KNL1: variants seen among roughly 807,000 people sequenced by gnomAD.
KNL1 encodes the protein kinetochore scaffold 1.
Under a neutral mutation model 201.3 loss-of-function variants are expected in KNL1, and 66 were observed. That is an observed-to-expected ratio of 0.33 (90% confidence interval 0.27 to 0.40). The LOEUF (loss-of-function observed/expected upper bound fraction) is 0.40, where lower values mean the gene tolerates loss of function less well. Among genes scored for constraint, KNL1 ranks in the 10% least tolerant of loss-of-function variants. The pLI is 1.00. For synonymous variants in KNL1, 895 were observed against 899.2 expected, an observed-to-expected ratio of 1.00 and a Z score of 0.08; for missense variants, 2,815 against 2,690.5, an observed-to-expected ratio of 1.05 and a Z score of -1.02.
chr15:40,639,527 A>T (rs970055468), intron 13 of KNL1, among the ~76,000 whole-genome samples: 1 of 150,098 alleles, frequency 6.7e-6, no homozygotes, highest in African/African-American at 2.5e-5. Context: ...GGAGGTTGCA[A>T]TGAGCTGAGA....
In KNL1 at chr15:40,605,165, T is replaced by A. The variant is rs781216056; in HGVS notation, c.75+16T>A. 1 of 1,373,514 alleles carries A rather than the reference T, an allele frequency of 7.3e-7. No individual in the cohort carries two copies. The allele number at this position is 1,373,514 out of a possible 1,614,324, so 85.1% of individuals were successfully genotyped here. On this transcript the variant is annotated intron_variant, in intron 3 of 25. Transcript: ENST00000399668. ...GCATTCTTCAGTAAGAAAGACTTTCTTGAATTAATAATTGTCAGCTTTTAT... is the reference window on the plus strand; with the variant it reads ...GCATTCTTCAGTAAGAAAGACTTTCATGAATTAATAATTGTCAGCTTTTAT...
intron 13 of KNL1, among the ~76,000 whole-genome samples, chr15:40,640,098 C>CTTT (rs544723388): frequency 2.2e-4 from 28 of 124,496 alleles, no homozygotes; most frequent in African/African-American, 5.7e-4. Context: ...TTTTTCTTTT[C>CTTT]TTTTTTTTTT....
intron 7 of KNL1, among the ~76,000 whole-genome samples, chr15:40,614,568 A>G (rs986014566): frequency 3.9e-5 from 6 of 152,166 alleles, no homozygotes; most frequent in Admixed American, 3.9e-4. Context: ...CTCCTTACAG[A>G]TAACCACTGT....
intron 4 of KNL1, among the ~76,000 whole-genome samples, chr15:40,608,592 A>G (rs1311030811): frequency 2.0e-5 from 3 of 152,042 alleles, no homozygotes; most frequent in Non-Finnish European, 4.4e-5. Flanking sequence ...CTAAAAATAC[A>G]GAATTAGTTG....
At chr15:40,650,124 A>AG (rs1893509027) in intron 17 of KNL1, 177 bp from the exon 18 acceptor site, 87 of 490,626 alleles carry the variant, frequency 1.8e-4, no homozygotes, top group Middle Eastern at 5.5e-4. Context: ...TCTCTTTCAC[A>AG]GAAAAAAAAA....
intron 9 of KNL1, among the ~76,000 whole-genome samples, chr15:40,619,917 G>A (rs1026036682): frequency 2.6e-5 from 4 of 152,092 alleles, no homozygotes; most frequent in Admixed American, 1.3e-4. Context: ...TAAATTACTC[G>A]CAGACTTTAG....
chr15:40,647,880 T>G (rs1215646562), intron 17 of KNL1, among the ~76,000 whole-genome samples: 1 of 152,222 alleles, frequency 6.6e-6, no homozygotes, highest in Non-Finnish European at 1.5e-5. Flanking sequence ...TCAATCCAGC[T>G]TCTCTGTTGG....
At position 40,621,912 on chromosome 15, in the gene KNL1, A is replaced by G; in HGVS notation, c.1648A>G (p.Ser550Gly). 6.2e-7 allele frequency: 1 copy of G among 1,613,642 alleles called. No homozygotes were observed. The highest frequency in any genetic ancestry group is 8.5e-7 in the Non-Finnish European group (1 of 1,179,684). The change falls in exon 10 of 26, where the codon AGC becomes GGC. Residue 550 changes from serine to glycine, a missense_variant. Physicochemically the swap from Ser to Gly is moderately conservative, Grantham distance 56. Transcript: ENST00000399668. ...PHVSKERIQQ[S>G]LSNPLSISLT... ...TGTATCTAAGGAAAGAATACAGCAG[A>G]GCCTGTCAAATCCTTTGTCTATTTC... is the stretch of plus-strand genomic sequence containing the variant.
chr15:40,633,190 A>G lies in KNL1; in HGVS notation c.5682+3819A>G, dbSNP rs974036928. ...CAAAAATTACAAAAGTTAGCCAGGCATGATGGCGCGTGCCTGGAGTCCCAG... is the reference window on the plus strand; with the variant it reads ...CAAAAATTACAAAAGTTAGCCAGGCGTGATGGCGCGTGCCTGGAGTCCCAG... On this transcript the variant is annotated intron_variant, in intron 13 of 25. Transcript: ENST00000399668. 2.0e-5 allele frequency among the ~76,000 whole-genome samples: 3 copies of G among 152,074 alleles called. No individual in the cohort carries two copies. The South Asian group carries it at 6.2e-4, about 32-fold the overall frequency.
chr15:40,621,787 T>C lies in KNL1; in HGVS notation c.1523T>C (p.Ile508Thr). ...AAACAAGATCAATCAAATGTGCAAA[T>C]AGCAGCTGCACCAACACCCGAAAAA... ...IFKQDQSNVQ[I>T]AAAPTPEKEM... Residue 508 changes from isoleucine to threonine, a missense_variant, in exon 10 of 26, where the codon ATA becomes ACA. This residue lies in a region of KNL1 where 2,464 missense variants were observed against 2,291.7 expected (regional missense o/e 1.08). Transcript: ENST00000399668. 6.2e-7 allele frequency: 1 copy of C among 1,613,916 alleles called. No homozygotes were observed. Among genetic ancestry groups the C allele is most frequent in the Non-Finnish European group, 8.5e-7 (1 of 1,179,862 alleles).
chr15:40,614,541 C>G lies in KNL1; in HGVS notation c.285-800C>G, dbSNP rs57144694. ...AGCCACCACACCCAGCCTATTCCCTCTTCTTCAGGTGACTCACTCCTTACA... is the reference window on the plus strand; with the variant it reads ...AGCCACCACACCCAGCCTATTCCCTGTTCTTCAGGTGACTCACTCCTTACA... On this transcript the variant is annotated intron_variant, in intron 7 of 25. Coordinates refer to ENST00000399668, the MANE Select transcript of KNL1 (RefSeq NM_144508.5). 2.7e-3 allele frequency among the ~76,000 whole-genome samples: 414 copies of G among 152,302 alleles called. 2 individuals are homozygous for G. Among genetic ancestry groups the G allele is most frequent in the African/African-American group, 9.8e-3 (406 of 41,576 alleles).
intron 14 of KNL1, chr15:40,643,070 C>T (rs1277342543): frequency 1.3e-5 from 2 of 152,212 alleles, no homozygotes; most frequent in Non-Finnish European, 2.9e-5. Flanking sequence ...TTTATTTTCT[C>T]CATTTATTAA....
At chr15:40,602,032 T>C (rs1201951912) in intron 1 of KNL1, among the ~76,000 whole-genome samples, 5 of 148,470 alleles carry the variant, frequency 3.4e-5, no homozygotes, top group Admixed American at 3.3e-4. Flanking sequence ...TTTTGTTTTG[T>C]TTTTGTTTTT....
At chr15:40,636,541 ACT>A (rs1893060992) in intron 13 of KNL1, among the ~76,000 whole-genome samples, 1 of 151,944 alleles carries the variant, frequency 6.6e-6, no homozygotes, top group African/African-American at 2.4e-5. Flanking sequence ...AAAATTATCA[ACT>A]CTAGTCTTGG....
At chr15:40,605,797 C>T (rs1891952322) in intron 3 of KNL1, among the ~76,000 whole-genome samples, 1 of 152,154 alleles carries the variant, frequency 6.6e-6, no homozygotes, top group African/African-American at 2.4e-5. Flanking sequence ...ACTAAAAAAT[C>T]CAACGAAGGG....
At chr15:40,649,912 T>G (rs1254131060) in intron 17 of KNL1, among the ~76,000 whole-genome samples, 1 of 152,204 alleles carries the variant, frequency 6.6e-6, no homozygotes, top group Non-Finnish European at 1.5e-5. Flanking sequence ...ATTATAGTTA[T>G]TTTGTATAGT....
intron 25 of KNL1, among the ~76,000 whole-genome samples, chr15:40,660,959 TCAAAA>T (rs1199953956): frequency 6.6e-6 from 1 of 152,190 alleles, no homozygotes; most frequent in Non-Finnish European, 1.5e-5. Flanking sequence ...CCAGGCTCTC[TCAAAA>T]CAAAACAGAG....
At chr15:40,655,915 C>CAAA (rs201727545) in intron 22 of KNL1, among the ~76,000 whole-genome samples, 1 of 65,172 alleles carries the variant, frequency 1.5e-5, no homozygotes. Context: ...GACTCCGTCT[C>CAAA]AAAAAAAAAA....
intron 1 of KNL1, among the ~76,000 whole-genome samples, chr15:40,602,480 C>CTTTT (rs34192317): frequency 5.3e-4 from 42 of 79,136 alleles, no homozygotes; most frequent in African/African-American, 1.5e-3. Flanking sequence ...TTTTTCCTTC[C>CTTTT]TTTTTTTTTT....
Sources: allele counts gnomAD v4.1 joint callset (sites outside exome capture counted in the v4.1 genomes callset), GRCh38; gene constraint gnomAD v4.1.1; regional missense constraint gnomAD v4.1.1; transcripts MANE v1.5; gene names NCBI Gene and HGNC (gene_info 2026-07-23, HGNC 2026-07-21).